The following COPS4 variants were observed in gnomAD, a reference collection of about 807,000 sequenced individuals.
COPS4 encodes COP9 signalosome subunit 4.
COPS4 carries 8 observed loss-of-function variants against 55.1 expected under a neutral mutation model. The ratio of observed to expected loss-of-function variants is 0.15; its 90% CI spans 0.09 to 0.26. The LOEUF is 0.26. COPS4 is among the 10% of genes least tolerant of loss of function. The pLI is 1.00. For synonymous variants in COPS4, 185 were observed against 165.7 expected, an observed-to-expected ratio of 1.12 and a Z score of -0.90; for missense variants, 248 against 484.0, an observed-to-expected ratio of 0.51 and a Z score of 4.58.
intron 7 of COPS4, among the ~76,000 whole-genome samples, chr4:83,063,609 G>A (rs1431739254): frequency 2.7e-5 from 4 of 150,922 alleles, no homozygotes; most frequent in South Asian, 2.1e-4. Context: ...GGGTTTCACC[G>A]TGTTAGCCAG....
Position 83,057,319 on chromosome 4 carries a change from A to G in COPS4, c.626A>G (p.Asn209Ser), listed in dbSNP as rs755952178. 25 of 1,613,506 alleles carry G rather than the reference A, an allele frequency of 1.5e-5. No individual in the cohort carries two copies. Among genetic ancestry groups the G allele is most frequent in the Admixed American group, 5.0e-5 (3 of 59,944 alleles). Residue 209 changes from asparagine to serine, a missense_variant, in exon 6 of 10, where the codon AAT becomes AGT. Coordinates refer to ENST00000264389, the MANE Select transcript of COPS4 (RefSeq NM_016129.3). ...RKFIEAAQRYNELSYKTIVHE... is the reference protein window; with the variant it reads ...RKFIEAAQRYSELSYKTIVHE... ...TTCATTGAAGCTGCACAAAGGTACA[A>G]TGAGCTCTCTTACAAGACAATAGTC...
chr4:83,067,307 T>C (rs1454417729), intron 8 of COPS4, among the ~76,000 whole-genome samples: 1 of 151,588 alleles, frequency 6.6e-6, no homozygotes, highest in African/African-American at 2.4e-5. Context: ...AGTGCTGCAA[T>C]CTCGGTTCAC....
chr4:83,063,607 C>T (rs1578718382), intron 7 of COPS4, among the ~76,000 whole-genome samples: 1 of 150,746 alleles, frequency 6.6e-6, no homozygotes, highest in South Asian at 2.1e-4. Flanking sequence ...TGGGGTTTCA[C>T]CGTGTTAGCC....
intron 1 of COPS4, 37 bp downstream of exon 1, chr4:83,035,335 G>T: frequency 6.8e-7 from 1 of 1,470,050 alleles, no homozygotes; most frequent in East Asian, 2.7e-5. Context: ...TACAGAGGTG[G>T]GGAAAGAAAG....
At position 83,066,456 on chromosome 4, in the gene COPS4, G is replaced by A; in HGVS notation, c.905G>A (p.Arg302Lys). 6.3e-7 allele frequency: 1 copy of A among 1,578,254 alleles called. No individual in the cohort carries two copies. The highest frequency in any genetic ancestry group is 8.6e-7 in the Non-Finnish European group (1 of 1,157,704). ...GTTTAAGGTTCCAGCATCTTGGACA[G>A]AGCTGTTATTGAACACAATTTGTTG... ...TTADGSSILD[R>K]AVIEHNLLSA... The change falls in exon 8 of 10, where the codon AGA becomes AAA. Residue 302 changes from arginine to lysine, a missense_variant. Transcript: ENST00000264389.
chr4:83,055,776 C>T (rs912878116), intron 4 of COPS4, among the ~76,000 whole-genome samples: 13 of 152,118 alleles, frequency 8.5e-5, no homozygotes, highest in Non-Finnish European at 1.3e-4. Flanking sequence ...ACAACTTGAT[C>T]ACCAATAATA....
chr4:83,075,185 A>G, intron 9 of COPS4, 112 bp from the exon 10 acceptor site: 1 of 863,576 alleles, frequency 1.2e-6, no homozygotes, highest in Non-Finnish European at 1.8e-6. Context: ...GGTATTTAAA[A>G]GGAACATGCC....
At chr4:83,049,141 T>C in intron 2 of COPS4, 25 bp from the exon 3 acceptor site, 3 of 1,575,408 alleles carry the variant, frequency 1.9e-6, no homozygotes, top group Non-Finnish European at 2.6e-6. Flanking sequence ...CATGTTTTCT[T>C]ATCTTTTTTT....
Position 83,057,901 on chromosome 4 carries a change from G to A in COPS4, c.715+493G>A, listed in dbSNP as rs542818053. 1.4e-4 allele frequency among the ~76,000 whole-genome samples: 18 copies of A among 131,104 alleles called. No individual in the cohort carries two copies. The South Asian group carries it at 3.1e-3, about 22-fold the overall frequency. The allele number at this position is 131,104 out of a possible 152,430, so 86.0% of individuals were successfully genotyped here. A position where few individuals can be genotyped will look rare whatever the true frequency, so the allele number is the denominator to read the frequency against. On this transcript the variant is annotated intron_variant, in intron 6 of 9. Transcript: ENST00000264389. ...CAGGCCACTGCACTCCAGCCAGGGC[G>A]ACAGAGAGACTCTGTCTCAAAAAAA...
chr4:83,042,862 C>T (rs973673204), intron 1 of COPS4, among the ~76,000 whole-genome samples: 3 of 151,938 alleles, frequency 2.0e-5, no homozygotes, highest in Non-Finnish European at 4.4e-5. Context: ...GCCTTGGCCT[C>T]CCAAAGTGCT....
intron 5 of COPS4, 88 bp from the exon 6 acceptor site, chr4:83,057,170 A>G (rs1731034633): frequency 2.0e-6 from 3 of 1,505,940 alleles, no homozygotes; most frequent in Non-Finnish European, 2.7e-6. Flanking sequence ...GCTCTTAAAT[A>G]TTAGAAATTG....
At chr4:83,073,575 G>A (rs1578725031) in intron 9 of COPS4, among the ~76,000 whole-genome samples, 1 of 152,140 alleles carries the variant, frequency 6.6e-6, no homozygotes, top group Non-Finnish European at 1.5e-5. Context: ...TAAAGGAGAA[G>A]GATTGATATT....
chr4:83,068,701 G>T (rs892023757), intron 9 of COPS4, among the ~76,000 whole-genome samples, 179 bp downstream of exon 9: 1 of 152,130 alleles, frequency 6.6e-6, no homozygotes, highest in Non-Finnish European at 1.5e-5. Context: ...TGGGCATGGC[G>T]GCTCATGCCT....
At chr4:83,048,498 TA>T (rs1410541041) in intron 2 of COPS4, among the ~76,000 whole-genome samples, 1 of 152,170 alleles carries the variant, frequency 6.6e-6, no homozygotes, top group Admixed American at 6.5e-5. Context: ...TATAAGCACA[TA>T]AATAAAAATA....
chr4:83,046,543 G>T (rs200113284), intron 2 of COPS4, among the ~76,000 whole-genome samples: 1 of 152,162 alleles, frequency 6.6e-6, no homozygotes, highest in East Asian at 1.9e-4. Flanking sequence ...ACTTATGTGT[G>T]AATCAATAAA....
chr4:83,046,385 A>G lies in COPS4; in HGVS notation c.154+680A>G, dbSNP rs146184579. On this transcript the variant is annotated intron_variant, in intron 2 of 9. Coordinates refer to ENST00000264389, the MANE Select transcript of COPS4 (RefSeq NM_016129.3). ...TGAAAAGCAGTTTGGAGATTATTCAAAGAATTTAAAGCAGAAGTACCATTC... is the reference window on the plus strand; with the variant it reads ...TGAAAAGCAGTTTGGAGATTATTCAGAGAATTTAAAGCAGAAGTACCATTC... Among the ~76,000 whole-genome samples the G allele has an allele frequency of 6.5e-3, 997 of 152,350 alleles. 8 individuals carry two copies. The highest frequency in any genetic ancestry group is 0.022 in the African/African-American group (931 of 41,580).
chr4:83,075,116 C>T (rs1349652503), intron 9 of COPS4, among the ~76,000 whole-genome samples, 181 bp from the exon 10 acceptor site: 1 of 151,684 alleles, frequency 6.6e-6, no homozygotes, highest in East Asian at 1.9e-4. Context: ...GACTCCATCT[C>T]AAAAAAGAAA....
intron 1 of COPS4, among the ~76,000 whole-genome samples, chr4:83,040,973 T>G (rs1730552252): frequency 6.6e-6 from 1 of 152,022 alleles, no homozygotes; most frequent in Non-Finnish European, 1.5e-5. Context: ...ACATTAAAGA[T>G]GCTCAATTCA....
At chr4:83,057,163 C>G (rs1731034537) in intron 5 of COPS4, 84 bp downstream of exon 5, 1 of 1,504,766 alleles carries the variant, frequency 6.6e-7, no homozygotes, top group Admixed American at 2.0e-5. Flanking sequence ...GATAGATGCT[C>G]TTAAATATTA....
Sources: gnomAD v4.1 joint callset for allele counts (sites outside exome capture counted in the v4.1 genomes callset) on GRCh38, gnomAD v4.1.1 for gene constraint, MANE v1.5 for transcripts, NCBI Gene and HGNC (gene_info 2026-07-23, HGNC 2026-07-21) for gene names.